PTPRN2: variants seen among roughly 807,000 people sequenced by gnomAD.
The protein encoded by PTPRN2 is receptor-type tyrosine-protein phosphatase N2.
PTPRN2 carries 74 observed loss-of-function variants against 118.8 expected under a neutral mutation model. That is an observed-to-expected ratio of 0.62 (90% CI 0.52 to 0.76). PTPRN2 has a LOEUF of 0.76. PTPRN2 is among the 30% of genes least tolerant of loss of function. The pLI is 0.00. For missense variants in PTPRN2, 1,481 were observed against 1,394.4 expected (o/e 1.06, Z -0.99); for synonymous variants, 641 against 608.0 (o/e 1.05, Z -0.80).
At chr7:158,390,717 C>T (rs963259498) in intron 2 of PTPRN2, among the ~76,000 whole-genome samples, 12 of 152,242 alleles carry the variant, frequency 7.9e-5, no homozygotes, top group African/African-American at 1.7e-4. Flanking sequence ...CAGCTCTCAG[C>T]GCACTTTGCG....
At chr7:158,312,160 A>C (rs894182815) in intron 3 of PTPRN2, among the ~76,000 whole-genome samples, 4 of 151,798 alleles carry the variant, frequency 2.6e-5, no homozygotes, top group Non-Finnish European at 5.9e-5. Flanking sequence ...ACATGCACAC[A>C]CACCTGCACA....
chr7:157,721,005 G>A (rs1433574999), intron 12 of PTPRN2, among the ~76,000 whole-genome samples: 1 of 151,238 alleles, frequency 6.6e-6, no homozygotes, highest in Non-Finnish European at 1.5e-5. Context: ...TCGGGGAGGT[G>A]TCAGGACAGC....
intron 12 of PTPRN2, among the ~76,000 whole-genome samples, chr7:157,781,411 C>A (rs1229138127): frequency 6.6e-6 from 1 of 152,090 alleles, no homozygotes; most frequent in African/African-American, 2.4e-5. Flanking sequence ...GCGTGCCCTT[C>A]TTCTGGTCCC....
rs1039193242 is a variant in PTPRN2, at chr7:157,784,368, C to T, written c.1789-101431G>A. ...GCCCCTCGAACCTTCACCCGGGGCT[C>T]GTTTGCTGCTTCACACTGGAGGAGG... is the stretch of plus-strand genomic sequence containing the variant. On this transcript the variant is annotated intron_variant, in intron 12 of 22. Transcript: ENST00000389418. This position sits in a 1 kb window ranked among gnomAD's most constrained non-coding sequence, Gnocchi z 4.6. 3.3e-5 allele frequency among the ~76,000 whole-genome samples: 5 copies of T among 152,196 alleles called. No homozygotes were observed. The highest frequency in any genetic ancestry group is 3.4e-3 in the Middle Eastern group (1 of 294).
intron 6 of PTPRN2, among the ~76,000 whole-genome samples, chr7:158,152,192 C>T (rs1375711603): frequency 5.7e-5 from 2 of 34,836 alleles, no homozygotes; most frequent in East Asian, 1.7e-3. Context: ...AAAAAAAAAA[C>T]CATGAATGCA....
chr7:158,167,422 C>T, intron 5 of PTPRN2, 131 bp from the exon 6 acceptor site: 1 of 1,244,372 alleles, frequency 8.0e-7, no homozygotes, highest in Non-Finnish European at 1.1e-6. Flanking sequence ...CCTTCGGTCT[C>T]AGGTTCAAGG....
chr7:158,017,823 G>A (rs1185860252), intron 11 of PTPRN2, among the ~76,000 whole-genome samples: 5 of 152,144 alleles, frequency 3.3e-5, no homozygotes, highest in African/African-American at 7.2e-5. Flanking sequence ...TTTCACACAC[G>A]CACAAGGAGC....
intron 1 of PTPRN2, among the ~76,000 whole-genome samples, chr7:158,553,344 G>A (rs1826784835): frequency 6.6e-6 from 1 of 151,002 alleles, no homozygotes; most frequent in South Asian, 2.1e-4. Context: ...GTAGGCTTGG[G>A]AGTCTACACG....
chr7:157,568,499 C>G (rs1799596435), intron 21 of PTPRN2, among the ~76,000 whole-genome samples: 1 of 152,074 alleles, frequency 6.6e-6, no homozygotes, highest in African/African-American at 2.4e-5. Context: ...TGGAGTTACA[C>G]CAAATACTGG....
intron 12 of PTPRN2, among the ~76,000 whole-genome samples, chr7:157,852,930 T>C (rs954089560): frequency 1.3e-5 from 2 of 151,464 alleles, no homozygotes; most frequent in Non-Finnish European, 2.9e-5. Context: ...CCCTCTGAGA[T>C]GTGCGTCCGG....
In PTPRN2 at chr7:157,898,673, C is replaced by T. The variant is rs1299937907; in HGVS notation, c.1788G>A (p.Ser596=). ...GLKILQTGVG[S]KSKLKFLPPQ... is the part of the protein sequence containing the mutation. ...AGACGGCACCCCTTCTGTTACTCAC[C>T]GACCCGACTCCGGTTTGAAGAATTT... Residue 596 remains serine (S), a splice_region_variant and synonymous_variant, in exon 12 of 23, where the codon TCG becomes TCA. Coordinates refer to ENST00000389418, the MANE Select transcript of PTPRN2 (RefSeq NM_002847.5). 3.1e-6 allele frequency: 5 copies of T among 1,592,990 alleles called. No homozygotes were observed. Among genetic ancestry groups the T allele is most frequent in the African/African-American group, 1.3e-5 (1 of 74,542 alleles).
rs541676029 is a variant in PTPRN2 at position 158,329,151 on chromosome 7, G to T, written c.164-12219C>A. Among the ~76,000 whole-genome samples, 3 of 152,352 alleles carry T rather than the reference G, an allele frequency of 2.0e-5. No homozygotes were observed. The East Asian group carries it at 5.8e-4, about 29-fold the overall frequency. Reference sequence around the variant, plus strand: ...ACGACAGAAGCCACAGCTTGAGGGTGTGAGCCGGCAGTACTGAGGAGCCCA... The same window carrying T: ...ACGACAGAAGCCACAGCTTGAGGGTTTGAGCCGGCAGTACTGAGGAGCCCA... On this transcript the variant is annotated intron_variant, in intron 2 of 22. Transcript: ENST00000389418.
intron 3 of PTPRN2, among the ~76,000 whole-genome samples, chr7:158,281,930 C>T (rs1799455326): frequency 6.6e-6 from 1 of 152,244 alleles, no homozygotes; most frequent in African/African-American, 2.4e-5. Context: ...GGGTCAAAAG[C>T]CATTTCTCCT....
At chr7:157,740,675 C>T (rs950239971) in intron 12 of PTPRN2, among the ~76,000 whole-genome samples, 13 of 152,154 alleles carry the variant, frequency 8.5e-5, no homozygotes, top group Admixed American at 1.3e-4. Flanking sequence ...CTCAGAGGCT[C>T]CTAATCAATG....
intron 12 of PTPRN2, among the ~76,000 whole-genome samples, chr7:157,725,415 G>GC (rs1423112539): frequency 8.4e-5 from 6 of 71,214 alleles, no homozygotes; most frequent in South Asian, 5.7e-4. Flanking sequence ...ACAGAGGAGT[G>GC]AGCCAGACCC....
At chr7:158,354,425 T>C (rs747992144) in intron 2 of PTPRN2, among the ~76,000 whole-genome samples, 2 of 151,966 alleles carry the variant, frequency 1.3e-5, no homozygotes, top group African/African-American at 4.8e-5. Flanking sequence ...GAAATCAAAA[T>C]GGCAGCCCTA....
chr7:158,176,846 C>G (rs1397920005), intron 5 of PTPRN2, among the ~76,000 whole-genome samples: 1 of 152,232 alleles, frequency 6.6e-6, no homozygotes, highest in Non-Finnish European at 1.5e-5. Flanking sequence ...AATGTGGCAT[C>G]CAACATGTGG....
At chr7:158,206,528 C>T (rs1827161260) in intron 3 of PTPRN2, among the ~76,000 whole-genome samples, 1 of 152,066 alleles carries the variant, frequency 6.6e-6, no homozygotes, top group Admixed American at 6.5e-5. Context: ...CACAGAGGTG[C>T]TTGTGTCACC....
chr7:158,001,417 T>G (rs12673443), intron 11 of PTPRN2, among the ~76,000 whole-genome samples: 1 of 151,812 alleles, frequency 6.6e-6, no homozygotes, highest in Non-Finnish European at 1.5e-5. Flanking sequence ...ATAATTTGCC[T>G]AAGTTCAGGC....
Sources: gnomAD v4.1 joint callset for allele counts (sites outside exome capture counted in the v4.1 genomes callset) on GRCh38, gnomAD v4.1.1 for gene constraint, Gnocchi (gnomAD v3.1) non-coding constraint, MANE v1.5 for transcripts, NCBI Gene and HGNC (gene_info 2026-07-23, HGNC 2026-07-21) for gene names.